The following CAMK1D variants were observed in gnomAD, a reference collection of about 807,000 sequenced individuals.
CAMK1D encodes calcium/calmodulin-dependent protein kinase type 1D.
In CAMK1D, 9 loss-of-function variants were observed where a neutral mutation model predicts 47.7. That is an observed-to-expected ratio of 0.19 (90% CI 0.11 to 0.33). The LOEUF is 0.33. Ranked by LOEUF, CAMK1D falls within the 10% of genes least tolerant of loss-of-function variation. The pLI is 1.00. For synonymous variants in CAMK1D, 184 were observed against 184.9 expected, an observed-to-expected ratio of 0.99 and a Z score of 0.04; for missense variants, 291 against 488.7, an observed-to-expected ratio of 0.60 and a Z score of 3.81.
At chr10:12,428,320 C>G (rs924006370) in intron 1 of CAMK1D, among the ~76,000 whole-genome samples, 1 of 152,104 alleles carries the variant, frequency 6.6e-6, no homozygotes, top group Non-Finnish European at 1.5e-5. Context: ...AGCCCTCTTA[C>G]CTGGGCTTTT....
At chr10:12,530,441 G>C (rs1361911090) in intron 1 of CAMK1D, among the ~76,000 whole-genome samples, 1 of 152,184 alleles carries the variant, frequency 6.6e-6, no homozygotes, top group African/African-American at 2.4e-5. Context: ...GATGATCTCT[G>C]CATCATCCAG....
At chr10:12,547,412 A>G (rs1836416268) in intron 1 of CAMK1D, among the ~76,000 whole-genome samples, 1 of 152,166 alleles carries the variant, frequency 6.6e-6, no homozygotes. Flanking sequence ...TGCCAATATG[A>G]TTCAGTCTGG....
At chr10:12,459,830 A>C (rs770845215) in intron 1 of CAMK1D, among the ~76,000 whole-genome samples, 1 of 152,212 alleles carries the variant, frequency 6.6e-6, no homozygotes, top group Admixed American at 6.5e-5. Flanking sequence ...TTGAGAAATA[A>C]TGAGCAACAT....
intron 3 of CAMK1D, among the ~76,000 whole-genome samples, chr10:12,688,241 G>T (rs1021878747): frequency 6.6e-6 from 1 of 152,160 alleles, no homozygotes; most frequent in Non-Finnish European, 1.5e-5. Context: ...TGGGTACTGG[G>T]TGAACACGTG....
At chr10:12,671,006 A>G (rs1366350905) in intron 3 of CAMK1D, among the ~76,000 whole-genome samples, 1 of 152,112 alleles carries the variant, frequency 6.6e-6, no homozygotes, top group South Asian at 2.1e-4. Flanking sequence ...TTTGGTCCCT[A>G]TGGATTTGCC....
intron 2 of CAMK1D, among the ~76,000 whole-genome samples, chr10:12,583,608 T>TTTA (rs1554792406): frequency 4.0e-5 from 6 of 149,112 alleles, no homozygotes; most frequent in African/African-American, 1.5e-4. Flanking sequence ...TTGTTTTATT[T>TTTA]TTTTTTTTTT....
At chr10:12,602,498 A>G (rs1387231501) in intron 2 of CAMK1D, among the ~76,000 whole-genome samples, 1 of 152,188 alleles carries the variant, frequency 6.6e-6, no homozygotes, top group Admixed American at 6.5e-5. Flanking sequence ...GACAGGAGCT[A>G]TATTTGTAGG....
intron 1 of CAMK1D, among the ~76,000 whole-genome samples, chr10:12,422,171 G>A (rs1743593798): frequency 6.6e-6 from 1 of 152,302 alleles, no homozygotes; most frequent in Non-Finnish European, 1.5e-5. Flanking sequence ...TCCCTTGGGG[G>A]CAGGTATTCA....
chr10:12,550,492 C>G (rs925511210), intron 1 of CAMK1D, among the ~76,000 whole-genome samples: 2 of 152,136 alleles, frequency 1.3e-5, no homozygotes, highest in Non-Finnish European at 2.9e-5. Context: ...AGGGATGGTG[C>G]GTGGGCTCAG....
intron 1 of CAMK1D, among the ~76,000 whole-genome samples, chr10:12,539,208 C>A (rs886897866): frequency 6.6e-6 from 1 of 152,156 alleles, no homozygotes; most frequent in Non-Finnish European, 1.5e-5. Flanking sequence ...CAGACACAGC[C>A]AAACGTCCCT....
intron 2 of CAMK1D, among the ~76,000 whole-genome samples, chr10:12,616,028 TG>T (rs1838798977): frequency 6.6e-6 from 1 of 151,528 alleles, no homozygotes; most frequent in Non-Finnish European, 1.5e-5. Context: ...TGTTGCTGTG[TG>T]TGTGGGTGTG....
intron 2 of CAMK1D, among the ~76,000 whole-genome samples, chr10:12,596,802 C>G (rs949989170): frequency 6.6e-6 from 1 of 152,116 alleles, no homozygotes; most frequent in Non-Finnish European, 1.5e-5. Flanking sequence ...TCCTCCTGGC[C>G]TCCAGTCCCC....
intron 1 of CAMK1D, among the ~76,000 whole-genome samples, chr10:12,547,181 G>A (rs1836404955): frequency 6.6e-6 from 1 of 152,188 alleles, no homozygotes. Flanking sequence ...CGATGCTGTA[G>A]AACCAAGAAG....
intron 1 of CAMK1D, among the ~76,000 whole-genome samples, chr10:12,405,932 A>G (rs765935221): frequency 6.6e-6 from 1 of 152,172 alleles, no homozygotes; most frequent in Admixed American, 6.5e-5. Flanking sequence ...TTTTATGTGA[A>G]GGTTTTGAAA....
intron 1 of CAMK1D, among the ~76,000 whole-genome samples, chr10:12,498,931 A>G (rs1467122137): frequency 6.6e-6 from 1 of 152,154 alleles, no homozygotes; most frequent in Non-Finnish European, 1.5e-5. Context: ...ATAGAATGTC[A>G]TCTAATTAAG....
chr10:12,795,437 C>T (rs1241863740), intron 6 of CAMK1D, among the ~76,000 whole-genome samples: 2 of 152,200 alleles, frequency 1.3e-5, no homozygotes, highest in Non-Finnish European at 2.9e-5. Flanking sequence ...CACAAGGCCA[C>T]TGAGCGGTCC....
intron 1 of CAMK1D, among the ~76,000 whole-genome samples, chr10:12,426,267 A>G (rs189826759): frequency 1.8e-4 from 27 of 152,150 alleles, no homozygotes; most frequent in African/African-American, 6.3e-4. Context: ...TCTTTTTGAG[A>G]TGGAGTTTTT....
chr10:12,748,975 T>C (rs1835804214), intron 3 of CAMK1D, among the ~76,000 whole-genome samples: 1 of 152,224 alleles, frequency 6.6e-6, no homozygotes, highest in South Asian at 2.1e-4. Flanking sequence ...GACTTGTTTC[T>C]CTGTTCAATT....
intron 1 of CAMK1D, among the ~76,000 whole-genome samples, chr10:12,484,552 C>A (rs1834155909): frequency 6.6e-6 from 1 of 152,162 alleles, no homozygotes; most frequent in African/African-American, 2.4e-5. Flanking sequence ...AGTCAGGGAG[C>A]CACTGGCAGC....
Sources: gnomAD v4.1 joint callset for allele counts (sites outside exome capture counted in the v4.1 genomes callset) on GRCh38, gnomAD v4.1.1 for gene constraint, MANE v1.5 for transcripts, NCBI Gene and HGNC (gene_info 2026-07-23, HGNC 2026-07-21) for gene names.